MCF2L: variants seen among roughly 807,000 people sequenced by gnomAD.
MCF2L encodes guanine nucleotide exchange factor DBS.
A neutral mutation model predicts 153.4 loss-of-function variants in MCF2L; 97 were observed. The observed-to-expected ratio is 0.63, with a 90% CI of 0.54 to 0.75. MCF2L has a LOEUF of 0.75. Ranked by LOEUF, MCF2L falls within the 30% of genes least tolerant of loss-of-function variation. The probability of loss-of-function intolerance (pLI) is 0.00; values close to 1 mark genes in which losing one functional copy is unlikely to be tolerated. For missense variants in MCF2L, 1,347 were observed against 1,495.2 expected (o/e 0.90, Z 1.64); for synonymous variants, 659 against 632.2 (o/e 1.04, Z -0.64).
chr13:113,077,496 T>C (rs1048753817), intron 13 of MCF2L, among the ~76,000 whole-genome samples: 1 of 152,200 alleles, frequency 6.6e-6, no homozygotes, highest in Non-Finnish European at 1.5e-5. Flanking sequence ...CAGGGTTCAG[T>C]GGTCTCAGTG....
intron 2 of MCF2L, among the ~76,000 whole-genome samples, chr13:112,915,145 CA>C (rs1281510747): frequency 6.6e-6 from 1 of 151,980 alleles, no homozygotes; most frequent in Non-Finnish European, 1.5e-5. Flanking sequence ...CGTGGTGGCT[CA>C]AGCCTGTAAT....
At chr13:113,044,684 G>T (rs115084082) in intron 3 of MCF2L, 3 of 1,612,612 alleles carry the variant, frequency 1.9e-6, no homozygotes, top group Non-Finnish European at 2.5e-6. Context: ...CGAGGACGGA[G>T]GCTGTCGTTA....
In MCF2L at chr13:112,985,429, G is replaced by T. The variant is rs1446525204; in HGVS notation, c.79+15971G>T. 1.7e-5 allele frequency: 8 copies of T among 471,016 alleles called. No individual in the cohort carries two copies. In the Admixed American group the frequency reaches 1.9e-4, roughly 11 times the overall value. The allele number at this position is 471,016 out of a possible 1,614,324, so 29.2% of individuals were successfully genotyped here. Reference sequence around the variant, plus strand: ...CGGATTTCCGTGGCGGAAATGAAAAGCTACTACCTGTATTCTGAGTGGTGC... The same window carrying T: ...CGGATTTCCGTGGCGGAAATGAAAATCTACTACCTGTATTCTGAGTGGTGC... On this transcript the variant is annotated intron_variant, in intron 1 of 29. Coordinates refer to ENST00000535094, the MANE Select transcript of MCF2L (RefSeq NM_001112732.3).
At chr13:112,962,324 T>A (rs1254938266) in intron 2 of MCF2L, among the ~76,000 whole-genome samples, 4 of 151,836 alleles carry the variant, frequency 2.6e-5, no homozygotes, top group Non-Finnish European at 5.9e-5. Context: ...CACATACACA[T>A]ACACACCTGC....
chr13:112,950,218 A>G (rs553642408), intron 2 of MCF2L, among the ~76,000 whole-genome samples: 2 of 152,342 alleles, frequency 1.3e-5, no homozygotes, highest in Non-Finnish European at 2.9e-5. Flanking sequence ...TGGAAACTGC[A>G]TGATGCTGAT....
chr13:112,942,065 C>T (rs576564912), intron 2 of MCF2L, among the ~76,000 whole-genome samples: 4 of 152,304 alleles, frequency 2.6e-5, no homozygotes, highest in African/African-American at 7.2e-5. Context: ...AAGGGAGTCT[C>T]CTTTTCCCTG....
chr13:113,084,283 G>A lies in MCF2L; in HGVS notation c.2061+216G>A, dbSNP rs1029434687. Among the ~76,000 whole-genome samples, 177 of 92,648 alleles carry A rather than the reference G, an allele frequency of 1.9e-3. 2 individuals are homozygous for A. Among genetic ancestry groups the A allele is most frequent in the Middle Eastern group, 0.011 (2 of 190 alleles). The allele number at this position is 92,648 out of a possible 152,430, so 60.8% of individuals were successfully genotyped here. A position where few individuals can be genotyped will look rare whatever the true frequency, so the allele number is the denominator to read the frequency against. On this transcript the variant is annotated intron_variant, in intron 18 of 29. Transcript: ENST00000535094. Reference sequence around the variant, plus strand: ...GAAAACCTCCTGAACCCCAGAAAACGTCCTGAACCCCCAGAACCTCCTGTA... The same window carrying A: ...GAAAACCTCCTGAACCCCAGAAAACATCCTGAACCCCCAGAACCTCCTGTA...
At chr13:113,089,923 C>T (rs2035034910) in intron 26 of MCF2L, 195 bp downstream of exon 26, 1 of 1,600,236 alleles carries the variant, frequency 6.2e-7, no homozygotes, top group South Asian at 1.1e-5. Flanking sequence ...TGCTCTGCAC[C>T]CCTGCATCAG....
chr13:112,942,946 C>T (rs56929265), intron 2 of MCF2L, among the ~76,000 whole-genome samples: 17,028 of 152,212 alleles, frequency 0.11, 1,594 homozygotes, highest in African/African-American at 0.25. Flanking sequence ...GCTGCTGTTC[C>T]ATTTTTCCTT....
intron 2 of MCF2L, among the ~76,000 whole-genome samples, chr13:113,023,905 T>TAGG (rs2085063491): frequency 1.3e-5 from 2 of 152,226 alleles, no homozygotes; most frequent in South Asian, 4.1e-4. Context: ...TGGGACCACC[T>TAGG]GCCCAATGAC....
chr13:113,095,979 G>A (rs2035612028), intron 27 of MCF2L: 3 of 386,964 alleles, frequency 7.8e-6, no homozygotes, highest in Non-Finnish European at 1.3e-5. Flanking sequence ...TGCAGGGAGA[G>A]GGAGGGCAGA....
chr13:113,091,080 T>A (rs1456856696), intron 26 of MCF2L: 4 of 1,304,078 alleles, frequency 3.1e-6, no homozygotes, highest in East Asian at 1.1e-4. Flanking sequence ...TCCTTCACAC[T>A]CTCTCTCCGG....
At chr13:113,006,922 G>A (rs986439571) in intron 1 of MCF2L, among the ~76,000 whole-genome samples, 9 of 152,308 alleles carry the variant, frequency 5.9e-5, no homozygotes, top group Admixed American at 2.0e-4. Flanking sequence ...TAGCGGGTAG[G>A]GCTGTGACCG....
intron 1 of MCF2L, among the ~76,000 whole-genome samples, chr13:112,972,845 A>C (rs9577183): frequency 6.3e-4 from 78 of 124,484 alleles, no homozygotes; most frequent in South Asian, 9.0e-4. Context: ...GGATGGATGA[A>C]TGGATGGATG....
At chr13:112,964,596 A>G (rs571802046), upstream of MCF2L, among the ~76,000 whole-genome samples, 418 of 152,384 alleles carry the variant, frequency 2.7e-3, no homozygotes, top group African/African-American at 9.4e-3. Flanking sequence ...ATCAGATGTG[A>G]GATAATGATT....
chr13:113,072,221 G>A (rs1468298173), intron 9 of MCF2L, among the ~76,000 whole-genome samples: 1 of 152,188 alleles, frequency 6.6e-6, no homozygotes, highest in African/African-American at 2.4e-5. Flanking sequence ...ACGTATTTGA[G>A]ATGGTTTTTT....
chr13:112,946,253 T>A (rs923900579), intron 2 of MCF2L, among the ~76,000 whole-genome samples: 1 of 151,458 alleles, frequency 6.6e-6, no homozygotes, highest in African/African-American at 2.4e-5. Flanking sequence ...AAGAAATACA[T>A]ATGACTAAAG....
intron 9 of MCF2L, among the ~76,000 whole-genome samples, chr13:113,073,741 C>T (rs1157187955): frequency 6.6e-6 from 1 of 151,940 alleles, no homozygotes; most frequent in Non-Finnish European, 1.5e-5. Flanking sequence ...ATGGTGAAAC[C>T]CCATCTCTAC....
intron 1 of MCF2L, among the ~76,000 whole-genome samples, chr13:112,895,248 C>A (rs1349398567): frequency 2.0e-5 from 3 of 152,116 alleles, no homozygotes; most frequent in Non-Finnish European, 4.4e-5. Context: ...TCCCTGGAGA[C>A]TCCCGCCCAG....
Sources: allele counts gnomAD v4.1 joint callset (sites outside exome capture counted in the v4.1 genomes callset), GRCh38; gene constraint gnomAD v4.1.1; transcripts MANE v1.5; gene names NCBI Gene and HGNC (gene_info 2026-07-23, HGNC 2026-07-21).